The following DPYS variants were observed in gnomAD, a reference collection of about 807,000 sequenced individuals.
DPYS encodes dihydropyrimidinase.
A neutral mutation model predicts 50.3 loss-of-function variants in DPYS; 39 were observed. The observed-to-expected ratio is 0.78, with a 90% confidence interval of 0.60 to 1.01. DPYS has a LOEUF of 1.01. Ranked by LOEUF, DPYS falls within the 50% of genes least tolerant of loss-of-function variation. The pLI, the probability that DPYS is intolerant of heterozygous loss-of-function variation, is 0.00. For synonymous variants in DPYS, 245 were observed against 250.7 expected, an observed-to-expected ratio of 0.98 and a Z score of 0.22; for missense variants, 659 against 680.9, an observed-to-expected ratio of 0.97 and a Z score of 0.36.
At chr8:104,415,709 C>T (rs6468924) in intron 7 of DPYS, among the ~76,000 whole-genome samples, 33,861 of 151,586 alleles carry the variant, frequency 0.22, 3,962 homozygotes, top group Middle Eastern at 0.28. Context: ...CTATCTTAGC[C>T]AAAATAATCC....
intron 4 of DPYS, among the ~76,000 whole-genome samples, chr8:104,436,431 G>A (rs373112342): frequency 1.2e-4 from 19 of 152,210 alleles, no homozygotes; most frequent in East Asian, 7.7e-4. Flanking sequence ...CCAACATGGC[G>A]AAACCCTGTC....
At chr8:104,441,326 T>C (rs779769329) in intron 4 of DPYS, among the ~76,000 whole-genome samples, 212 of 152,266 alleles carry the variant, frequency 1.4e-3, no homozygotes, top group Admixed American at 3.5e-3. Context: ...CTTCTAGGAA[T>C]CTACCCTCAA....
At chr8:104,426,282 T>G (rs1408592634) in intron 6 of DPYS, among the ~76,000 whole-genome samples, 1 of 152,188 alleles carries the variant, frequency 6.6e-6, no homozygotes, top group Admixed American at 6.5e-5. Flanking sequence ...TATTTCTAAA[T>G]GAGAACTCCC....
At chr8:104,416,403 G>A (rs146819594) in intron 7 of DPYS, among the ~76,000 whole-genome samples, 1 of 152,292 alleles carries the variant, frequency 6.6e-6, no homozygotes, top group East Asian at 1.9e-4. Context: ...TCAGCCAGCA[G>A]CCCTGACACC....
chr8:104,424,021 C>A, intron 7 of DPYS: 2 of 985,410 alleles, frequency 2.0e-6, no homozygotes, highest in Non-Finnish European at 2.4e-6. Flanking sequence ...ATATACAGAT[C>A]CATTGTCAGA....
chr8:104,451,491 A>T (rs558969455), intron 1 of DPYS, 87 bp from the exon 2 acceptor site: 12 of 1,552,864 alleles, frequency 7.7e-6, no homozygotes, highest in Middle Eastern at 1.9e-4. Context: ...ATTTGTAAGC[A>T]CTTGGGCAAA....
At chr8:104,456,860 CA>C (rs934741518) in intron 1 of DPYS, among the ~76,000 whole-genome samples, 31 of 152,162 alleles carry the variant, frequency 2.0e-4, no homozygotes, top group Non-Finnish European at 3.8e-4. Flanking sequence ...AGAAGAAATG[CA>C]GTGGAACAGA....
chr8:104,400,858 C>T (rs1811774581), intron 7 of DPYS, among the ~76,000 whole-genome samples: 3 of 152,220 alleles, frequency 2.0e-5, no homozygotes, highest in Admixed American at 2.0e-4. Flanking sequence ...TTTGATACCA[C>T]TCACATCACA....
intron 4 of DPYS, among the ~76,000 whole-genome samples, chr8:104,435,376 G>C (rs945249541): frequency 2.6e-5 from 4 of 151,996 alleles, no homozygotes; most frequent in African/African-American, 9.7e-5. Flanking sequence ...AAAGGATAAC[G>C]CTTTAGGGAG....
intron 6 of DPYS, 34 bp from the exon 7 acceptor site, chr8:104,424,423 C>A (rs776448083): frequency 6.2e-7 from 1 of 1,607,130 alleles, no homozygotes; most frequent in South Asian, 1.1e-5. Flanking sequence ...TTCTAATGAT[C>A]AAATACTAAA....
At chr8:104,391,316 G>A (rs936048547) in intron 8 of DPYS, among the ~76,000 whole-genome samples, 2 of 152,160 alleles carry the variant, frequency 1.3e-5, no homozygotes, top group Non-Finnish European at 2.9e-5. Flanking sequence ...TTGAAAAATG[G>A]AAAGAAGAGG....
At chr8:104,449,406 G>T (rs533400207) in intron 2 of DPYS, among the ~76,000 whole-genome samples, 1 of 152,302 alleles carries the variant, frequency 6.6e-6, no homozygotes, top group Non-Finnish European at 1.5e-5. Context: ...AAGCATATTA[G>T]CTTCAGCCTT....
intron 7 of DPYS, among the ~76,000 whole-genome samples, chr8:104,423,184 A>C (rs1588430886): frequency 6.6e-6 from 1 of 152,296 alleles, no homozygotes; most frequent in African/African-American, 2.4e-5. Context: ...ATGGATCTTA[A>C]CCAGTGATGA....
At chr8:104,424,204 T>C (rs2140621754) in intron 7 of DPYS, 43 bp downstream of exon 7, 1 of 1,613,884 alleles carries the variant, frequency 6.2e-7, no homozygotes, top group Non-Finnish European at 8.5e-7. Context: ...GTTAGTGCAT[T>C]TTCTCCACAA....
intron 4 of DPYS, among the ~76,000 whole-genome samples, chr8:104,435,170 A>G (rs749795516): frequency 1.3e-5 from 2 of 152,316 alleles, no homozygotes; most frequent in South Asian, 4.1e-4. Context: ...TACTCAGACC[A>G]AAATTTAAAA....
intron 7 of DPYS, among the ~76,000 whole-genome samples, chr8:104,405,600 C>T (rs1554692284): frequency 6.6e-6 from 1 of 152,190 alleles, no homozygotes; most frequent in Non-Finnish European, 1.5e-5. Flanking sequence ...CTCAGGGTCC[C>T]AATTAGCAAC....
intron 7 of DPYS, among the ~76,000 whole-genome samples, chr8:104,422,721 T>C (rs1474774592): frequency 6.6e-6 from 1 of 152,218 alleles, no homozygotes; most frequent in Non-Finnish European, 1.5e-5. Context: ...GGATTTCAGA[T>C]TAAAGCTCAC....
chr8:104,399,298 A>C (rs796439930), intron 7 of DPYS, among the ~76,000 whole-genome samples: 12 of 41,650 alleles, frequency 2.9e-4, no homozygotes, highest in Non-Finnish European at 7.5e-4. Context: ...CTCAAAAAAA[A>C]AAAAAAAAAA....
intron 8 of DPYS, among the ~76,000 whole-genome samples, chr8:104,391,429 GC>G (rs1454857072): frequency 6.6e-6 from 1 of 152,186 alleles, no homozygotes; most frequent in Non-Finnish European, 1.5e-5. Context: ...ATACCTCCTA[GC>G]TAGGGGCCTG....
Sources: allele counts gnomAD v4.1 joint callset (sites outside exome capture counted in the v4.1 genomes callset), GRCh38; gene constraint gnomAD v4.1.1; transcripts MANE v1.5; gene names NCBI Gene and HGNC (gene_info 2026-07-23, HGNC 2026-07-21).